PM20D1: variants seen among roughly 807,000 people sequenced by gnomAD.
The protein encoded by PM20D1 is peptidase M20 domain containing 1.
PM20D1 carries 53 observed loss-of-function variants against 53.8 expected under a neutral mutation model. That is an observed-to-expected ratio of 0.98 (90% CI 0.79 to 1.24). PM20D1 has a LOEUF of 1.24. Ranked by LOEUF, PM20D1 falls within the 50% of genes most tolerant of loss-of-function variation. The pLI is 0.00. For missense variants in PM20D1, 564 were observed against 616.8 expected (o/e 0.91, Z 0.91); for synonymous variants, 239 against 241.3 (o/e 0.99, Z 0.09).
chr1:205,844,330 G>A, intron 4 of PM20D1, 113 bp from the exon 5 acceptor site: 1 of 1,281,588 alleles, frequency 7.8e-7, no homozygotes, highest in Non-Finnish European at 1.0e-6. Context: ...TTTCTACCTA[G>A]TCTCCTTCCT....
At chr1:205,847,860 C>T (rs1326278669) in intron 2 of PM20D1, 25 bp downstream of exon 2, 1 of 1,367,286 alleles carries the variant, frequency 7.3e-7, no homozygotes, top group Non-Finnish European at 1.0e-6. Context: ...TACCACCCAC[C>T]CCTTGCCCCT....
In PM20D1 at chr1:205,828,872, G is replaced by A. The variant is rs1656499021; in HGVS notation, c.1386-129C>T. ...CTACTGGCCCTCCAGGGCTAGGAAAGAGAGGGGCAAGGGAGGGGCCATCTG... is the reference window on the plus strand; with the variant it reads ...CTACTGGCCCTCCAGGGCTAGGAAAAAGAGGGGCAAGGGAGGGGCCATCTG... On this transcript the variant is annotated intron_variant, in intron 12 of 12. Coordinates refer to ENST00000367136, the MANE Select transcript of PM20D1 (RefSeq NM_152491.5). The A allele has an allele frequency of 4.0e-6, 5 of 1,260,986 alleles. 1 individual carries two copies. In the South Asian group the frequency reaches 4.5e-5, roughly 11 times the overall value. 78.1% of individuals were successfully genotyped at this position (1,260,986 alleles called of 1,614,324 possible). A position where few individuals can be genotyped will look rare whatever the true frequency, so the allele number is the denominator to read the frequency against.
At chr1:205,847,654 A>G (rs1467485524) in intron 2 of PM20D1, among the ~76,000 whole-genome samples, 1 of 151,980 alleles carries the variant, frequency 6.6e-6, no homozygotes, top group African/African-American at 2.4e-5. Context: ...ATGTAGGGCA[A>G]AATTTGAGAG....
intron 11 of PM20D1, among the ~76,000 whole-genome samples, chr1:205,830,853 G>A (rs1475178033): frequency 1.3e-5 from 2 of 151,812 alleles, no homozygotes; most frequent in African/African-American, 4.8e-5. Flanking sequence ...CGCCCAGGGT[G>A]GCCAGTATCT....
At chr1:205,828,840 C>T (rs2102520900) in intron 12 of PM20D1, 97 bp from the exon 13 acceptor site, 1 of 1,477,288 alleles carries the variant, frequency 6.8e-7, no homozygotes. Flanking sequence ...CCTCACCAAC[C>T]CGGAAACTAC....
At position 205,843,781 on chromosome 1, in the gene PM20D1, GC is replaced by G; in HGVS notation, c.712del (p.Ala238GlnfsTer8). On this transcript the variant is annotated frameshift_variant, in exon 6 of 13. Transcript: ENST00000367136. LOFTEE classifies it high-confidence loss of function. Reference sequence around the variant, plus strand: ...GTTCATGGAACCCTTCTCTGAGACTGCAATCCTGTAGAAGAGGATCGGAAAC... The same window carrying G: ...GTTCATGGAACCCTTCTCTGAGACTGAATCCTGTAGAAGAGGATCGGAAAC... Reference protein sequence around the residue: ...PNFKKPIALIAVSEKGSMNLM... With the variant: ...PNFKKPIALIXVSEKGSMNLM... The G allele has an allele frequency of 6.2e-7, 1 of 1,613,748 alleles. No homozygotes were observed.
intron 1 of PM20D1, among the ~76,000 whole-genome samples, chr1:205,848,380 C>T (rs987133762): frequency 6.6e-6 from 1 of 152,210 alleles, no homozygotes; most frequent in Admixed American, 6.5e-5. Flanking sequence ...ATTCTCAAGG[C>T]ACCCACTGTC....
chr1:205,833,422 T>A (rs1296266096), intron 10 of PM20D1, among the ~76,000 whole-genome samples: 2 of 152,256 alleles, frequency 1.3e-5, no homozygotes, highest in Non-Finnish European at 2.9e-5. Context: ...ACACACTTTT[T>A]TCCCCCTCTC....
intron 11 of PM20D1, among the ~76,000 whole-genome samples, chr1:205,831,255 T>A (rs1045736964): frequency 9.9e-5 from 15 of 152,234 alleles, no homozygotes; most frequent in African/African-American, 3.6e-4. Flanking sequence ...TTTTGTTCCA[T>A]CTTCCACTCC....
chr1:205,835,678 G>A (rs1274620257), intron 10 of PM20D1, among the ~76,000 whole-genome samples: 2 of 116,854 alleles, frequency 1.7e-5, no homozygotes, highest in African/African-American at 5.9e-5. Flanking sequence ...AAAAAAAAAG[G>A]TGTAATGTGC....
chr1:205,841,688 G>A (rs560793056), intron 9 of PM20D1, 123 bp downstream of exon 9: 80 of 1,008,634 alleles, frequency 7.9e-5, no homozygotes, highest in Non-Finnish European at 1.1e-4. Context: ...ATGTCTTTGC[G>A]TGGCTAGGCT....
In PM20D1 at chr1:205,840,242, T is replaced by C; in HGVS notation, c.1116+10A>G. On this transcript the variant is annotated intron_variant, in intron 10 of 12. Coordinates refer to ENST00000367136, the MANE Select transcript of PM20D1 (RefSeq NM_152491.5). ...TGCATGAGTTGTTGTCTGGAACATA[T>C]GGTACATACCTCTTGGACTGTCTGT... 1 of 1,609,886 alleles carries C rather than the reference T, an allele frequency of 6.2e-7. No homozygotes were observed. The highest frequency in any genetic ancestry group is 1.1e-5 in the South Asian group (1 of 90,338).
In PM20D1 at chr1:205,828,605, G is replaced by T; in HGVS notation, c.*15C>A. ...CCCGGGGTCGGGCATGCCTAACCCA[G>T]CAGGCCCCTTGACCTCACAGTTTGT... On this transcript the variant is annotated 3_prime_UTR_variant, in exon 13 of 13. Transcript: ENST00000367136. The T allele has an allele frequency of 6.2e-7, 1 of 1,613,886 alleles. No homozygotes were observed. Among genetic ancestry groups the T allele is most frequent in the East Asian group, 2.2e-5 (1 of 44,868 alleles).
intron 11 of PM20D1, among the ~76,000 whole-genome samples, chr1:205,831,044 C>T (rs922958688): frequency 1.3e-5 from 2 of 152,194 alleles, no homozygotes; most frequent in East Asian, 1.9e-4. Context: ...CTGTTATTCT[C>T]ATCCTCTGAA....
intron 12 of PM20D1, among the ~76,000 whole-genome samples, chr1:205,829,580 C>A (rs1656513386): frequency 6.6e-6 from 1 of 152,164 alleles, no homozygotes; most frequent in Admixed American, 6.5e-5. Context: ...CATATGTAAT[C>A]TCAAAGATGA....
rs1159232002 is a variant in PM20D1, at chr1:205,828,562, C to T, written c.*58G>A. Reference sequence around the variant, plus strand: ...AAAGTTTCATCAACACTAGCTTTCCCCCTTGGGTTAGTCCTGTCCCGGGGT... The same window carrying T: ...AAAGTTTCATCAACACTAGCTTTCCTCCTTGGGTTAGTCCTGTCCCGGGGT... On this transcript the variant is annotated 3_prime_UTR_variant, in exon 13 of 13. Coordinates refer to ENST00000367136, the MANE Select transcript of PM20D1 (RefSeq NM_152491.5). 1 of 1,602,058 alleles carries T rather than the reference C, an allele frequency of 6.2e-7. No homozygotes were observed.
intron 10 of PM20D1, among the ~76,000 whole-genome samples, chr1:205,834,619 A>G (rs2102524429): frequency 1.3e-5 from 2 of 152,342 alleles, no homozygotes; most frequent in African/African-American, 4.8e-5. Context: ...TTCTCAGAGC[A>G]TATTTTCACT....
intron 10 of PM20D1, among the ~76,000 whole-genome samples, chr1:205,836,872 A>T (rs1382622855): frequency 6.6e-6 from 1 of 152,094 alleles, no homozygotes; most frequent in African/African-American, 2.4e-5. Flanking sequence ...CATCATAAAC[A>T]CTCAGCAGAA....
intron 1 of PM20D1, among the ~76,000 whole-genome samples, chr1:205,849,591 A>G (rs943757170): frequency 6.6e-6 from 1 of 152,140 alleles, no homozygotes; most frequent in Non-Finnish European, 1.5e-5. Context: ...TTGATGTACA[A>G]ATGAAAGCTG....
Sources: gnomAD v4.1 joint callset for allele counts (sites outside exome capture counted in the v4.1 genomes callset) on GRCh38, gnomAD v4.1.1 for gene constraint, MANE v1.5 for transcripts, NCBI Gene and HGNC (gene_info 2026-07-23, HGNC 2026-07-21) for gene names.